The following VTI1A variants were observed in gnomAD, a reference collection of about 807,000 sequenced individuals.
VTI1A encodes vesicle transport through interaction with t-SNAREs 1A.
Under a neutral mutation model 34.9 loss-of-function variants are expected in VTI1A, and 22 were observed. That is an observed-to-expected ratio of 0.63 (90% confidence interval 0.45 to 0.90). VTI1A has a LOEUF of 0.90. Among genes scored for constraint, VTI1A ranks in the 40% least tolerant of loss-of-function variants. The probability of loss-of-function intolerance (pLI) is 0.00; values close to 1 mark genes in which losing one functional copy is unlikely to be tolerated. For missense variants in VTI1A, 268 were observed against 275.6 expected, an observed-to-expected ratio of 0.97 and a Z score of 0.20; for synonymous variants, 87 against 97.3, an observed-to-expected ratio of 0.89 and a Z score of 0.62.
intron 7 of VTI1A, among the ~76,000 whole-genome samples, chr10:112,756,795 C>G (rs1387349747): frequency 6.6e-6 from 1 of 152,142 alleles, no homozygotes; most frequent in Non-Finnish European, 1.5e-5. Context: ...CACCTATAAT[C>G]CTAGCACTTT....
chr10:112,656,708 C>T (rs941715193), intron 5 of VTI1A, among the ~76,000 whole-genome samples: 2 of 151,924 alleles, frequency 1.3e-5, no homozygotes, highest in African/African-American at 4.8e-5. Context: ...ACCTTTATGT[C>T]AGTCTTCTCA....
chr10:112,833,206 C>T, the VTI1A span, among the ~76,000 whole-genome samples: 6 of 152,066 alleles, frequency 3.9e-5, no homozygotes, highest in Non-Finnish European at 7.3e-5. Flanking sequence ...CTCAGCATCT[C>T]CTGCAGCCTC....
At chr10:112,851,772 A>G in the VTI1A span, among the ~76,000 whole-genome samples, 2 of 152,082 alleles carry the variant, frequency 1.3e-5, no homozygotes, top group Non-Finnish European at 2.9e-5. Context: ...ACTGTAGGGA[A>G]CCTTTCCAGC....
At chr10:112,829,610 G>A in the VTI1A span, among the ~76,000 whole-genome samples, 1 of 151,116 alleles carries the variant, frequency 6.6e-6, no homozygotes, top group African/African-American at 2.4e-5. Context: ...AAGAATTAGC[G>A]GGGCATGGTG....
chr10:112,669,136 A>G, intron 7 of VTI1A, 138 bp downstream of exon 7: 8 of 896,122 alleles, frequency 8.9e-6, no homozygotes, highest in Non-Finnish European at 1.4e-5. Flanking sequence ...ATTTGAAATA[A>G]CAGAGCACTG....
At chr10:112,465,858 T>G (rs1316866085) in intron 3 of VTI1A, among the ~76,000 whole-genome samples, 3 of 152,142 alleles carry the variant, frequency 2.0e-5, no homozygotes, top group Non-Finnish European at 4.4e-5. Flanking sequence ...AATGGTAAAT[T>G]TTATATTATG....
chr10:112,607,697 C>T (rs377690913), intron 5 of VTI1A, among the ~76,000 whole-genome samples: 108 of 152,268 alleles, frequency 7.1e-4, no homozygotes, highest in South Asian at 1.9e-3. Context: ...GGTTCTGACT[C>T]GGTCTCTCGG....
intron 5 of VTI1A, among the ~76,000 whole-genome samples, chr10:112,602,172 A>G (rs1478903307): frequency 6.6e-6 from 1 of 152,242 alleles, no homozygotes; most frequent in Non-Finnish European, 1.5e-5. Flanking sequence ...TAAATCATTA[A>G]TTCTAACATA....
At chr10:112,641,487 A>C (rs532370976) in intron 5 of VTI1A, among the ~76,000 whole-genome samples, 5 of 152,138 alleles carry the variant, frequency 3.3e-5, no homozygotes, top group Non-Finnish European at 5.9e-5. Context: ...TGTGCATGAC[A>C]GTTTGGGCTC....
At chr10:112,619,582 A>G (rs981415903) in intron 5 of VTI1A, among the ~76,000 whole-genome samples, 1 of 152,170 alleles carries the variant, frequency 6.6e-6, no homozygotes, top group Non-Finnish European at 1.5e-5. Context: ...TATGTAGACT[A>G]TGTTTATTTC....
intron 5 of VTI1A, among the ~76,000 whole-genome samples, chr10:112,665,193 A>G (rs916496522): frequency 6.6e-6 from 1 of 152,166 alleles, no homozygotes; most frequent in African/African-American, 2.4e-5. Flanking sequence ...GTTTCTAATT[A>G]TTTAATGAAA....
At chr10:112,542,029 T>G (rs1343393982) in intron 5 of VTI1A, among the ~76,000 whole-genome samples, 1 of 152,166 alleles carries the variant, frequency 6.6e-6, no homozygotes, top group Non-Finnish European at 1.5e-5. Context: ...TAGTCAGATA[T>G]GACTTTTAGC....
intron 7 of VTI1A, among the ~76,000 whole-genome samples, chr10:112,699,742 C>T (rs150032814): frequency 0.049 from 7,415 of 151,584 alleles, 396 homozygotes; most frequent in East Asian, 0.29. Context: ...GAGGCAGAAT[C>T]GCTTGAACCC....
intron 4 of VTI1A, among the ~76,000 whole-genome samples, chr10:112,529,875 A>G (rs930681852): frequency 2.0e-5 from 3 of 152,098 alleles, no homozygotes; most frequent in African/African-American, 7.2e-5. Flanking sequence ...ATTCGATAAT[A>G]TGAATACAAT....
intron 7 of VTI1A, among the ~76,000 whole-genome samples, chr10:112,687,116 C>G (rs918545315): frequency 2.7e-5 from 4 of 150,916 alleles, no homozygotes; most frequent in Non-Finnish European, 4.4e-5. Context: ...GGGCTAGATC[C>G]TGGAGGACTT....
At chr10:112,801,671 G>T (rs986939200) in intron 7 of VTI1A, among the ~76,000 whole-genome samples, 3 of 152,112 alleles carry the variant, frequency 2.0e-5, no homozygotes, top group African/African-American at 4.8e-5. Flanking sequence ...AAAAAATCGT[G>T]TGGTACCAGG....
At chr10:112,685,250 T>C (rs1200687639) in intron 7 of VTI1A, among the ~76,000 whole-genome samples, 1 of 152,204 alleles carries the variant, frequency 6.6e-6, no homozygotes, top group Admixed American at 6.5e-5. Context: ...CATTTCAAAT[T>C]TTCTGGTGTC....
intron 3 of VTI1A, among the ~76,000 whole-genome samples, chr10:112,511,590 G>T (rs11195979): frequency 0.042 from 6,354 of 152,064 alleles, 419 homozygotes; most frequent in African/African-American, 0.14. Context: ...TTCAATTCAG[G>T]TTATTTACGG....
the VTI1A span, among the ~76,000 whole-genome samples, chr10:112,844,814 C>T: frequency 6.6e-5 from 10 of 152,194 alleles, no homozygotes; most frequent in Admixed American, 4.6e-4. Context: ...CGCAAAATTT[C>T]GAGAAATGAG....
Sources: allele counts gnomAD v4.1 joint callset (sites outside exome capture counted in the v4.1 genomes callset), GRCh38; gene constraint gnomAD v4.1.1; transcripts MANE v1.5; gene names NCBI Gene and HGNC (gene_info 2026-07-23, HGNC 2026-07-21).